CAMK1D: variants seen among roughly 807,000 people sequenced by gnomAD.
The protein encoded by CAMK1D is calcium/calmodulin dependent protein kinase ID, also known as calcium/calmodulin-dependent protein kinase type 1D.
A neutral mutation model predicts 47.7 loss-of-function variants in CAMK1D; 9 were observed. The observed-to-expected ratio is 0.19, with a 90% CI of 0.11 to 0.33. The LOEUF (loss-of-function observed/expected upper bound fraction) is 0.33, where lower values mean the gene tolerates loss of function less well. Among genes scored for constraint, CAMK1D ranks in the 10% least tolerant of loss-of-function variants. CAMK1D has a pLI of 1.00. For missense variants in CAMK1D, 291 were observed against 488.7 expected (o/e 0.60, Z 3.81); for synonymous variants, 184 against 184.9 (o/e 0.99, Z 0.04).
chr10:12,470,108 A>C (rs1833702020), intron 1 of CAMK1D, among the ~76,000 whole-genome samples: 1 of 152,218 alleles, frequency 6.6e-6, no homozygotes, highest in Non-Finnish European at 1.5e-5. Context: ...TGTCTCAAAA[A>C]TGTCCATGAT....
chr10:12,617,895 C>T (rs149198809), intron 2 of CAMK1D, among the ~76,000 whole-genome samples: 16 of 152,220 alleles, frequency 1.1e-4, no homozygotes, highest in African/African-American at 3.4e-4. Flanking sequence ...CTCTTCAGAC[C>T]ATTAATTTTA....
chr10:12,589,749 G>A (rs1203613312), intron 2 of CAMK1D, among the ~76,000 whole-genome samples: 1 of 152,174 alleles, frequency 6.6e-6, no homozygotes, highest in East Asian at 1.9e-4. Context: ...CTACTTCCTA[G>A]GAACACAGAC....
At chr10:12,780,904 G>A (rs747647862) in intron 5 of CAMK1D, among the ~76,000 whole-genome samples, 2 of 152,182 alleles carry the variant, frequency 1.3e-5, no homozygotes, top group African/African-American at 2.4e-5. Context: ...GTGGGCTGCA[G>A]CCAGACCCCC....
At chr10:12,500,477 C>A (rs544078949) in intron 1 of CAMK1D, among the ~76,000 whole-genome samples, 98 of 152,278 alleles carry the variant, frequency 6.4e-4, no homozygotes, top group Non-Finnish European at 9.8e-4. Context: ...CACCAGGAAC[C>A]TTTCCCTGCG....
intron 2 of CAMK1D, among the ~76,000 whole-genome samples, chr10:12,657,458 A>ATAAG (rs71386107): frequency 1.3e-5 from 2 of 151,970 alleles, no homozygotes; most frequent in Non-Finnish European, 2.9e-5. Flanking sequence ...AAATAAATAA[A>ATAAG]AACACCTTTC....
chr10:12,526,383 G>C (rs1303147462), intron 1 of CAMK1D, among the ~76,000 whole-genome samples: 1 of 152,174 alleles, frequency 6.6e-6, no homozygotes, highest in East Asian at 1.9e-4. Flanking sequence ...AGCATTTCCT[G>C]AGTGAGCCGG....
chr10:12,604,147 T>C (rs1024321229), intron 2 of CAMK1D, among the ~76,000 whole-genome samples: 6 of 152,270 alleles, frequency 3.9e-5, no homozygotes, highest in Admixed American at 1.3e-4. Flanking sequence ...CAGACAGAAG[T>C]GAGCCTCTGG....
At chr10:12,383,391 T>A (rs529243977) in intron 1 of CAMK1D, among the ~76,000 whole-genome samples, 1 of 152,274 alleles carries the variant, frequency 6.6e-6, no homozygotes, top group African/African-American at 2.4e-5. Flanking sequence ...ATGCTCAGAA[T>A]AAAGCCTTTC....
intron 1 of CAMK1D, among the ~76,000 whole-genome samples, chr10:12,434,989 G>A (rs544740613): frequency 6.8e-4 from 104 of 152,174 alleles, no homozygotes; most frequent in African/African-American, 2.3e-3. Flanking sequence ...AGGCTGAGGC[G>A]GGTGGATCAC....
Position 12,828,976 on chromosome 10 carries a change from C to G in CAMK1D, c.*89C>G. On this transcript the variant is annotated 3_prime_UTR_variant, in exon 11 of 11. Transcript: ENST00000619168. The stretch of plus-strand genomic sequence containing the variant: ...CGCGAGCCACTCCAGCGAGACCCCA[C>G]CTTGCATGGTGCCCCTTCCTGCATA... The G allele has an allele frequency of 2.2e-6, 2 of 904,266 alleles. No homozygotes were observed. Among genetic ancestry groups the G allele is most frequent in the Non-Finnish European group, 1.7e-6 (1 of 605,018 alleles). 56.0% of individuals were successfully genotyped at this position (904,266 alleles called of 1,614,324 possible). A position where few individuals can be genotyped will look rare whatever the true frequency, so the allele number is the denominator to read the frequency against.
intron 6 of CAMK1D, among the ~76,000 whole-genome samples, chr10:12,796,501 G>A (rs1324868368): frequency 6.6e-6 from 1 of 152,210 alleles, no homozygotes; most frequent in Middle Eastern, 3.2e-3. Flanking sequence ...CAAGAGATGA[G>A]CCTCGCCAAG....
intron 1 of CAMK1D, among the ~76,000 whole-genome samples, chr10:12,541,842 TCTTCCTTCCTTCCTTCCTTC>T (rs150179810): frequency 0.022 from 2,561 of 116,628 alleles, 86 homozygotes; most frequent in South Asian, 0.12. Context: ...CTGTGTTTTA[TCTTCCTTCCTTCCTTCCTTC>T]CTTCCTTCCT....
chr10:12,467,557 A>G (rs990250073), intron 1 of CAMK1D, among the ~76,000 whole-genome samples: 1 of 152,230 alleles, frequency 6.6e-6, no homozygotes, highest in Non-Finnish European at 1.5e-5. Context: ...TTTCAAATGC[A>G]CTGAATGTCA....
chr10:12,748,794 A>G (rs1457286607), intron 3 of CAMK1D, among the ~76,000 whole-genome samples: 1 of 152,152 alleles, frequency 6.6e-6, no homozygotes, highest in African/African-American at 2.4e-5. Flanking sequence ...AGTCCCAGCT[A>G]TTCGAGAGCC....
chr10:12,361,164 C>T (rs530646969), intron 1 of CAMK1D, among the ~76,000 whole-genome samples: 12 of 151,504 alleles, frequency 7.9e-5, no homozygotes, highest in Non-Finnish European at 1.3e-4. Context: ...GGGCCCTAGT[C>T]GTGATGGACA....
At chr10:12,709,352 C>G (rs1833849477) in intron 3 of CAMK1D, among the ~76,000 whole-genome samples, 2 of 151,084 alleles carry the variant, frequency 1.3e-5, no homozygotes, top group Non-Finnish European at 2.9e-5. Flanking sequence ...TAAAGGGAGA[C>G]AGTGGCTGCA....
chr10:12,780,521 C>T (rs1035660864), intron 5 of CAMK1D, among the ~76,000 whole-genome samples: 4 of 152,114 alleles, frequency 2.6e-5, no homozygotes, highest in South Asian at 2.1e-4. Context: ...GTCTTCACTC[C>T]GTACAGCCAA....
At chr10:12,776,492 A>C (rs1052664219) in intron 5 of CAMK1D, among the ~76,000 whole-genome samples, 2 of 152,198 alleles carry the variant, frequency 1.3e-5, no homozygotes, top group African/African-American at 4.8e-5. Context: ...AAAGCACTGA[A>C]TTAATCAATA....
chr10:12,472,034 CAAAAAAA>C (rs60064606), intron 1 of CAMK1D, among the ~76,000 whole-genome samples: 3 of 94,670 alleles, frequency 3.2e-5, no homozygotes, highest in African/African-American at 1.1e-4. Context: ...GACTCTGTCT[CAAAAAAA>C]AAAAAAAGAA....
Sources: gnomAD v4.1 joint callset for allele counts (sites outside exome capture counted in the v4.1 genomes callset) on GRCh38, gnomAD v4.1.1 for gene constraint, MANE v1.5 for transcripts, NCBI Gene and HGNC (gene_info 2026-07-23, HGNC 2026-07-21) for gene names.